Variants in ZMYND8 observed in about 807,000 individuals in gnomAD.
The protein encoded by ZMYND8 is MYND-type zinc finger-containing chromatin reader ZMYND8.
A neutral mutation model predicts 140.8 loss-of-function variants in ZMYND8; 37 were observed. The observed-to-expected ratio is 0.26, with a 90% CI of 0.20 to 0.35. The LOEUF (loss-of-function observed/expected upper bound fraction) is 0.35. Among genes scored for constraint, ZMYND8 ranks in the 10% least tolerant of loss-of-function variants. ZMYND8 has a pLI of 1.00. For missense variants in ZMYND8, 1,068 were observed against 1,570.0 expected (o/e 0.68, Z 5.40); for synonymous variants, 592 against 597.1 (o/e 0.99, Z 0.12).
At chr20:47,268,307 T>C (rs961417709) in intron 11 of ZMYND8, among the ~76,000 whole-genome samples, 3 of 119,510 alleles carry the variant, frequency 2.5e-5, no homozygotes, top group Non-Finnish European at 1.9e-5. Flanking sequence ...TTTTTTTTTT[T>C]TTTCAGAAGG....
At chr20:47,227,037 C>A (rs1045935150) in intron 18 of ZMYND8, among the ~76,000 whole-genome samples, 166 bp downstream of exon 18, 1 of 152,204 alleles carries the variant, frequency 6.6e-6, no homozygotes, top group Non-Finnish European at 1.5e-5. Context: ...CCCACTCTTA[C>A]ACCTGGTTTC....
intron 3 of ZMYND8, among the ~76,000 whole-genome samples, chr20:47,303,059 C>T (rs2078191040): frequency 1.3e-5 from 2 of 152,092 alleles, no homozygotes; most frequent in African/African-American, 4.8e-5. Flanking sequence ...CAGACTTTGC[C>T]CAACGTCCCT....
chr20:47,355,742 G>C (rs2083176751), intron 1 of ZMYND8: 2 of 149,636 alleles, frequency 1.3e-5, no homozygotes, highest in Admixed American at 1.3e-4. Flanking sequence ...TTAGTTCCTT[G>C]AAAATCATGC....
chr20:47,252,501 T>C (rs1555917412), intron 12 of ZMYND8, among the ~76,000 whole-genome samples: 1 of 151,820 alleles, frequency 6.6e-6, no homozygotes, highest in Non-Finnish European at 1.5e-5. Flanking sequence ...AAACGTATAC[T>C]CACAAAAATA....
intron 12 of ZMYND8, among the ~76,000 whole-genome samples, chr20:47,256,898 C>T (rs139041664): frequency 5.9e-5 from 9 of 152,232 alleles, no homozygotes; most frequent in African/African-American, 9.6e-5. Context: ...AGCATCAAGG[C>T]GCATTTCTGT....
intron 11 of ZMYND8, among the ~76,000 whole-genome samples, chr20:47,263,281 C>T (rs1471671035): frequency 7.1e-6 from 1 of 141,570 alleles, no homozygotes; most frequent in Non-Finnish European, 1.6e-5. Flanking sequence ...AAAGGCATCA[C>T]TAACAACAAT....
At chr20:47,216,495 C>CCAAAAAAAA (rs1491476122) in intron 21 of ZMYND8, among the ~76,000 whole-genome samples, 1 of 59,440 alleles carries the variant, frequency 1.7e-5, no homozygotes, top group African/African-American at 6.1e-5. Flanking sequence ...GACTCTGTCT[C>CCAAAAAAAA]AAAAAAAAAA....
intron 8 of ZMYND8, 61 bp from the exon 9 acceptor site, chr20:47,283,709 A>T (rs191166259): frequency 4.6e-6 from 7 of 1,508,578 alleles, no homozygotes; most frequent in Non-Finnish European, 6.4e-6. Flanking sequence ...GTGGACCTCA[A>T]TCAATGCTTG....
intron 11 of ZMYND8, among the ~76,000 whole-genome samples, chr20:47,268,382 C>T (rs2075693431): frequency 6.6e-6 from 1 of 150,522 alleles, no homozygotes; most frequent in Non-Finnish European, 1.5e-5. Context: ...CAGGCTCCGC[C>T]TCCCGGGTTC....
chr20:47,314,353 G>T (rs189848833), intron 2 of ZMYND8, among the ~76,000 whole-genome samples: 1 of 152,208 alleles, frequency 6.6e-6, no homozygotes, highest in Admixed American at 6.5e-5. Flanking sequence ...ACAAAAATCA[G>T]CCAGGTGTGG....
At chr20:47,242,481 G>A (rs779141114) in intron 14 of ZMYND8, among the ~76,000 whole-genome samples, 7 of 152,234 alleles carry the variant, frequency 4.6e-5, no homozygotes, top group Non-Finnish European at 1.0e-4. Context: ...AGGAGGGCAG[G>A]GGGCAGTGCC....
At chr20:47,342,912 G>C (rs1180240122) in intron 2 of ZMYND8, among the ~76,000 whole-genome samples, 1 of 151,682 alleles carries the variant, frequency 6.6e-6, no homozygotes, top group African/African-American at 2.4e-5. Context: ...TGATTTTAGG[G>C]CTGAGGCAAA....
At chr20:47,353,134 T>G (rs185046446) in intron 1 of ZMYND8, 18 of 152,174 alleles carry the variant, frequency 1.2e-4, no homozygotes, top group African/African-American at 3.9e-4. Flanking sequence ...TGGCTGGACT[T>G]TTAAAAACCT....
Position 47,276,618 on chromosome 20 carries a change from G to T in ZMYND8, c.1176C>A (p.Asn392Lys). ...YSPFRTPYTPNSQYQMLLDPT... is the reference protein window; with the variant it reads ...YSPFRTPYTPKSQYQMLLDPT... ...GATCGAGCAGCATTTGATACTGGCT[G>T]TTGGGTGTGTAGGGTGTCCTAAATG... is the stretch of plus-strand genomic sequence containing the variant. Residue 392 changes from asparagine (N) to lysine (K), a missense_variant, in exon 11 of 23, where the codon AAC (asparagine) becomes AAA (lysine). By Grantham distance (94) the Asn-to-Lys change is moderately conservative. Coordinates refer to ENST00000471951, the MANE Select transcript of ZMYND8 (RefSeq NM_001281775.3). The T allele has an allele frequency of 6.2e-7, 1 of 1,613,938 alleles. No homozygotes were observed.
rs946905494 is a variant in ZMYND8, at chr20:47,210,201, GGATAGTCTGTGCCGA to G, written c.*545_*559del. ...GCTGAAAGGAGCCAACGGCTTGATG[GGATAGTCTGTGCCGA>G]AACTCCCGATCCCAACATGCTGCGT... On this transcript the variant is annotated 3_prime_UTR_variant, in exon 23 of 23. Coordinates refer to ENST00000471951, the MANE Select transcript of ZMYND8 (RefSeq NM_001281775.3). 1 of 153,194 alleles carries G rather than the reference GGATAGTCTGTGCCGA, an allele frequency of 6.5e-6. No homozygotes were observed. The highest frequency in any genetic ancestry group is 1.5e-5 in the Non-Finnish European group (1 of 68,448). 9.5% of individuals were successfully genotyped at this position (153,194 alleles called of 1,614,324 possible).
rs138663746 is a variant in ZMYND8, at chr20:47,236,303, C to T, written c.2856+23G>A. On this transcript the variant is annotated intron_variant, in intron 16 of 22. Transcript: ENST00000471951. ...TCCTGCCAGGTGTCTGCCATCTCCA[C>T]GGTAGCTCTCCCATCCACTCACTTT... 5.6e-4 allele frequency: 907 copies of T among 1,613,880 alleles called. 6 individuals carry two copies. In the African/African-American group the frequency reaches 0.01, roughly 18 times the overall value.
At chr20:47,299,758 A>G (rs893236312) in intron 3 of ZMYND8, among the ~76,000 whole-genome samples, 1 of 151,728 alleles carries the variant, frequency 6.6e-6, no homozygotes, top group Non-Finnish European at 1.5e-5. Context: ...TAATTTTCGT[A>G]TTTTTAGTAG....
Position 47,276,596 on chromosome 20 carries a change from C to T in ZMYND8, c.1198G>A (p.Asp400Asn), listed in dbSNP as rs1424695810. ...GTGCCGGCGCTGGGGTTGGTGGGAT[C>T]GAGCAGCATTTGATACTGGCTGTTG... ...TPNSQYQMLL[D>N]PTNPSAGTAK... Residue 400 changes from aspartate to asparagine, a missense_variant, in exon 11 of 23, where the codon GAT becomes AAT. Asp to Asn is a conservative substitution (Grantham distance 23). Around this residue, in one of 10 missense-constraint regions of ZMYND8, gnomAD observed 49 missense variants for 94.1 expected, o/e 0.52. Coordinates refer to ENST00000471951, the MANE Select transcript of ZMYND8 (RefSeq NM_001281775.3). 6 of 1,613,694 alleles carry T rather than the reference C, an allele frequency of 3.7e-6. No individual in the cohort carries two copies. The highest frequency in any genetic ancestry group is 4.5e-5 in the East Asian group (2 of 44,812).
At chr20:47,283,764 A>C in intron 8 of ZMYND8, 116 bp from the exon 9 acceptor site, 2 of 999,924 alleles carry the variant, frequency 2.0e-6, no homozygotes. Context: ...TAGAGGGAAC[A>C]CCTTGGAGAT....
Sources: gnomAD v4.1 joint callset for allele counts (sites outside exome capture counted in the v4.1 genomes callset) on GRCh38, gnomAD v4.1.1 for gene constraint, gnomAD v4.1.1 regional missense constraint, MANE v1.5 for transcripts, NCBI Gene and HGNC (gene_info 2026-07-23, HGNC 2026-07-21) for gene names.